PTGER3: variants seen among roughly 807,000 people sequenced by gnomAD.
PTGER3 encodes prostaglandin E receptor 3, also known as prostaglandin E2 receptor EP3 subtype.
PTGER3 carries 22 observed loss-of-function variants against 34.7 expected under a neutral mutation model. The observed-to-expected ratio is 0.63, with a 90% CI of 0.45 to 0.91. The LOEUF is 0.91. Ranked by LOEUF, PTGER3 falls within the 40% of genes least tolerant of loss-of-function variation. PTGER3 has a pLI of 0.00. For synonymous variants in PTGER3, 241 were observed against 230.1 expected, an observed-to-expected ratio of 1.05 and a Z score of -0.43; for missense variants, 468 against 519.4, an observed-to-expected ratio of 0.90 and a Z score of 0.96.
chr1:70,894,871 T>C (rs892367862), intron 4 of PTGER3, among the ~76,000 whole-genome samples: 1 of 152,164 alleles, frequency 6.6e-6, no homozygotes, highest in African/African-American at 2.4e-5. Context: ...AATGGCAAAG[T>C]TGGGGGGTTA....
At chr1:70,967,735 G>A (rs567218414), downstream of PTGER3, among the ~76,000 whole-genome samples, 1 of 152,124 alleles carries the variant, frequency 6.6e-6, no homozygotes, top group South Asian at 2.1e-4. Context: ...AATTACAAAG[G>A]ATGTTGAAAA....
At chr1:70,922,258 A>G (rs1370168099) in intron 4 of PTGER3, among the ~76,000 whole-genome samples, 1 of 152,194 alleles carries the variant, frequency 6.6e-6, no homozygotes, top group Non-Finnish European at 1.5e-5. Flanking sequence ...ACGATCTTCT[A>G]TGGTAAATTC....
At chr1:70,991,338 T>C (rs1435902526) in intron 2 of PTGER3, among the ~76,000 whole-genome samples, 2 of 152,202 alleles carry the variant, frequency 1.3e-5, no homozygotes, top group African/African-American at 4.8e-5. Context: ...GGCTGACTGG[T>C]GAGACATTTC....
At chr1:70,991,153 A>G (rs1026985254) in intron 2 of PTGER3, among the ~76,000 whole-genome samples, 10 of 152,114 alleles carry the variant, frequency 6.6e-5, no homozygotes, top group Non-Finnish European at 1.3e-4. Context: ...TCTCCAATAC[A>G]ATCTAGAAAA....
intron 2 of PTGER3, chr1:71,005,783 T>A (rs1229593415): frequency 1.2e-6 from 1 of 848,662 alleles, no homozygotes. Flanking sequence ...AACTGGGGAA[T>A]GTCTCACCCC....
intron 4 of PTGER3, among the ~76,000 whole-genome samples, chr1:70,861,494 C>T (rs1645926295): frequency 6.6e-6 from 1 of 152,126 alleles, no homozygotes; most frequent in African/African-American, 2.4e-5. Flanking sequence ...GCTTTTATGC[C>T]TTTGAAGAAA....
chr1:70,934,986 C>T (rs1649068272), intron 4 of PTGER3, among the ~76,000 whole-genome samples: 1 of 152,134 alleles, frequency 6.6e-6, no homozygotes, highest in African/African-American at 2.4e-5. Flanking sequence ...TGATCACCAG[C>T]TCTAAACAGA....
intron 2 of PTGER3, among the ~76,000 whole-genome samples, chr1:70,993,073 A>C (rs1655615466): frequency 6.6e-6 from 1 of 152,226 alleles, no homozygotes; most frequent in Non-Finnish European, 1.5e-5. Context: ...TCTTCTAACA[A>C]GTATATCTAG....
chr1:70,902,249 ACT>A (rs964689959), intron 4 of PTGER3, among the ~76,000 whole-genome samples: 3 of 152,122 alleles, frequency 2.0e-5, no homozygotes, highest in African/African-American at 7.2e-5. Context: ...AGGCAATAAG[ACT>A]CTACAGCTTT....
chr1:70,872,276 G>C (rs1305702409), intron 4 of PTGER3, among the ~76,000 whole-genome samples: 1 of 152,160 alleles, frequency 6.6e-6, no homozygotes, highest in Non-Finnish European at 1.5e-5. Flanking sequence ...ATGGTTAGGG[G>C]CATTTCTCTT....
At chr1:71,033,752 G>A (rs918344241) in intron 1 of PTGER3, among the ~76,000 whole-genome samples, 1 of 151,834 alleles carries the variant, frequency 6.6e-6, no homozygotes, top group African/African-American at 2.4e-5. Context: ...TCGTCTTAAA[G>A]ACAACACATT....
intron 4 of PTGER3, among the ~76,000 whole-genome samples, chr1:70,857,724 CG>C (rs1482872554): frequency 6.6e-6 from 1 of 151,920 alleles, no homozygotes; most frequent in Admixed American, 6.6e-5. Context: ...TTAGTAGAGA[CG>C]GGGTTTCACT....
chr1:70,982,366 G>T (rs1380755267), intron 2 of PTGER3, among the ~76,000 whole-genome samples: 2 of 152,148 alleles, frequency 1.3e-5, no homozygotes, highest in African/African-American at 4.8e-5. Flanking sequence ...CTGTTGGGAA[G>T]AAATTCCTGA....
At chr1:70,958,050 C>T (rs1651539750) in intron 2 of PTGER3, among the ~76,000 whole-genome samples, 1 of 151,958 alleles carries the variant, frequency 6.6e-6, no homozygotes, top group African/African-American at 2.4e-5. Flanking sequence ...TATTGTGTGT[C>T]TGCATGTGTG....
At chr1:71,009,389 A>G in intron 2 of PTGER3, 1 of 979,252 alleles carries the variant, frequency 1.0e-6, no homozygotes, top group Non-Finnish European at 1.2e-6. Flanking sequence ...TTAAACACTT[A>G]CATTTACCTA....
intron 4 of PTGER3, among the ~76,000 whole-genome samples, chr1:70,929,908 TC>T (rs1648524898): frequency 6.6e-6 from 1 of 152,168 alleles, no homozygotes. Flanking sequence ...AAGAAACCAT[TC>T]TGAACTATAT....
At chr1:70,976,391 C>A (rs997073501) in intron 2 of PTGER3, among the ~76,000 whole-genome samples, 2 of 151,936 alleles carry the variant, frequency 1.3e-5, no homozygotes, top group Non-Finnish European at 2.9e-5. Flanking sequence ...ATAAACATAC[C>A]ACTCTGGTAG....
At chr1:70,997,011 CG>C (rs1656047551) in intron 2 of PTGER3, 2 of 152,204 alleles carry the variant, frequency 1.3e-5, no homozygotes, top group Non-Finnish European at 2.9e-5. Flanking sequence ...GTAGCTCATG[CG>C]TGTAATCCCA....
At chr1:70,931,871 A>C (rs1474223656) in intron 4 of PTGER3, among the ~76,000 whole-genome samples, 1 of 152,130 alleles carries the variant, frequency 6.6e-6, no homozygotes, top group Non-Finnish European at 1.5e-5. Context: ...ATTAACATTC[A>C]GCTCCTTGCT....
Sources: gnomAD v4.1 joint callset for allele counts (sites outside exome capture counted in the v4.1 genomes callset) on GRCh38, gnomAD v4.1.1 for gene constraint, MANE v1.5 for transcripts, NCBI Gene and HGNC (gene_info 2026-07-23, HGNC 2026-07-21) for gene names.